GLIS3: variants seen among roughly 807,000 people sequenced by gnomAD.
GLIS3 encodes GLIS family zinc finger 3.
A neutral mutation model predicts 78.6 loss-of-function variants in GLIS3; 53 were observed. The ratio of observed to expected loss-of-function variants is 0.67; its 90% CI spans 0.54 to 0.85. GLIS3 has a LOEUF of 0.85. GLIS3 is among the 40% of genes least tolerant of loss of function. The probability of loss-of-function intolerance (pLI) is 0.00; values close to 1 mark genes in which losing one functional copy is unlikely to be tolerated. For synonymous variants in GLIS3, 684 were observed against 509.9 expected (o/e 1.34, Z -4.60); for missense variants, 1,703 against 1,231.1 (o/e 1.38, Z -5.74).
chr9:4,049,735 T>G (rs1052131150), intron 4 of GLIS3, among the ~76,000 whole-genome samples: 41 of 151,824 alleles, frequency 2.7e-4, no homozygotes, highest in Admixed American at 2.6e-4. Flanking sequence ...TACAAAGAAC[T>G]CAAACAAATT....
At chr9:4,209,610 T>C (rs567207792) in intron 2 of GLIS3, among the ~76,000 whole-genome samples, 12 of 152,336 alleles carry the variant, frequency 7.9e-5, no homozygotes, top group Admixed American at 3.3e-4. Context: ...TTCTCTCCAA[T>C]GTTAATGATA....
intron 2 of GLIS3, among the ~76,000 whole-genome samples, chr9:4,238,705 G>C (rs530425583): frequency 2.8e-4 from 43 of 152,312 alleles, no homozygotes; most frequent in Admixed American, 6.5e-4. Flanking sequence ...TCATGAGTCA[G>C]ACACCTTCTT....
chr9:4,433,700 G>A, the GLIS3 span, among the ~76,000 whole-genome samples: 3 of 152,190 alleles, frequency 2.0e-5, no homozygotes, highest in African/African-American at 7.2e-5. Context: ...AAACCTGTTG[G>A]GCTTCCTTGT....
intron 2 of GLIS3, among the ~76,000 whole-genome samples, chr9:4,268,627 T>G (rs1826225707): frequency 6.6e-6 from 1 of 152,216 alleles, no homozygotes; most frequent in African/African-American, 2.4e-5. Flanking sequence ...TTCATAGGTA[T>G]AATCCCTGAC....
chr9:4,298,960 C>A (rs1442044530), intron 1 of GLIS3, among the ~76,000 whole-genome samples: 6 of 152,164 alleles, frequency 3.9e-5, no homozygotes, highest in Non-Finnish European at 7.3e-5. Flanking sequence ...CGCGAGAGAC[C>A]TCACGTCACC....
At chr9:4,331,680 A>G (rs186355377) in intron 2 of GLIS3, among the ~76,000 whole-genome samples, 24 of 152,324 alleles carry the variant, frequency 1.6e-4, no homozygotes, top group African/African-American at 5.5e-4. Flanking sequence ...TATGACGAAG[A>G]AATATGATGA....
At chr9:4,052,579 T>C (rs566710497) in intron 4 of GLIS3, among the ~76,000 whole-genome samples, 1 of 152,336 alleles carries the variant, frequency 6.6e-6, no homozygotes, top group East Asian at 1.9e-4. Context: ...AGAAACTGAA[T>C]GATACAATAT....
intron 2 of GLIS3, among the ~76,000 whole-genome samples, chr9:4,204,851 T>C (rs1329146585): frequency 2.5e-5 from 3 of 120,544 alleles, no homozygotes; most frequent in Non-Finnish European, 5.4e-5. Context: ...AAGGCGGAGG[T>C]TGCAGCGTGC....
In GLIS3 at chr9:4,065,938, G is replaced by C. The variant is rs557415257; in HGVS notation, c.1710+51830C>G. ...AACAAGGATAGGAAAATAGATTTTT[G>C]GCACATAAAAAATATGAGACTTCCT... On this transcript the variant is annotated intron_variant, in intron 4 of 10. Coordinates refer to ENST00000381971, the MANE Select transcript of GLIS3 (RefSeq NM_001042413.2). 4.0e-4 allele frequency among the ~76,000 whole-genome samples: 61 copies of C among 151,108 alleles called. 1 individual carries two copies. Among genetic ancestry groups the C allele is most frequent in the South Asian group, 2.1e-4 (1 of 4,786 alleles).
intron 4 of GLIS3, among the ~76,000 whole-genome samples, chr9:3,943,040 A>C (rs574893689): frequency 1.3e-5 from 2 of 152,080 alleles, no homozygotes; most frequent in South Asian, 4.1e-4. Flanking sequence ...GAAAAAAAGG[A>C]CCAAGAATCA....
At chr9:4,302,413 T>A (rs4437711), upstream of GLIS3, among the ~76,000 whole-genome samples, 4 of 152,096 alleles carry the variant, frequency 2.6e-5, no homozygotes, top group Non-Finnish European at 5.9e-5. Flanking sequence ...CAGAGAAATA[T>A]TCAGTGAGTA....
At chr9:4,012,765 CTTTT>C (rs71324278) in intron 4 of GLIS3, among the ~76,000 whole-genome samples, 132 of 66,488 alleles carry the variant, frequency 2.0e-3, no homozygotes, top group African/African-American at 7.0e-3. Context: ...TTTTCTTTTT[CTTTT>C]TTTTTTTTTT....
At chr9:4,395,454 C>T in the GLIS3 span, among the ~76,000 whole-genome samples, 95 of 152,228 alleles carry the variant, frequency 6.2e-4, 1 homozygote, top group Non-Finnish European at 1.0e-3. Flanking sequence ...AGTAGGCAGC[C>T]TGAGATACCT....
intron 2 of GLIS3, among the ~76,000 whole-genome samples, chr9:4,330,242 G>A (rs958013684): frequency 5.9e-5 from 9 of 152,218 alleles, no homozygotes; most frequent in African/African-American, 1.9e-4. Context: ...ACAGCAAGGT[G>A]TAGACAAATT....
intron 4 of GLIS3, among the ~76,000 whole-genome samples, chr9:3,994,131 T>G (rs1820550857): frequency 6.6e-6 from 1 of 152,200 alleles, no homozygotes; most frequent in African/African-American, 2.4e-5. Context: ...AGAACTGCTG[T>G]TCCAAAGAAC....
chr9:4,386,605 G>A, the GLIS3 span: 1 of 152,212 alleles, frequency 6.6e-6, no homozygotes, highest in African/African-American at 2.4e-5. Context: ...TGGTGTGGGA[G>A]CAGGCCTGAG....
intron 4 of GLIS3, among the ~76,000 whole-genome samples, chr9:4,015,143 G>A (rs930035455): frequency 3.9e-5 from 6 of 152,202 alleles, no homozygotes; most frequent in African/African-American, 1.4e-4. Context: ...GTGTCCATGA[G>A]AAAGTGACAT....
At chr9:4,470,502 G>C in the GLIS3 span, among the ~76,000 whole-genome samples, 3 of 152,010 alleles carry the variant, frequency 2.0e-5, no homozygotes, top group African/African-American at 7.2e-5. Context: ...AAAGACAAAA[G>C]CCACATGATT....
the GLIS3 span, among the ~76,000 whole-genome samples, chr9:4,394,608 C>T: frequency 2.3e-3 from 345 of 152,282 alleles, 1 homozygote; most frequent in African/African-American, 8.0e-3. Context: ...AGAAACAATT[C>T]ATACCCATTC....
Sources: gnomAD v4.1 joint callset for allele counts (sites outside exome capture counted in the v4.1 genomes callset) on GRCh38, gnomAD v4.1.1 for gene constraint, MANE v1.5 for transcripts, NCBI Gene and HGNC (gene_info 2026-07-23, HGNC 2026-07-21) for gene names.